The following UBE2E2 variants were observed in gnomAD, a reference collection of about 807,000 sequenced individuals.
The protein encoded by UBE2E2 is ubiquitin conjugating enzyme E2 E2.
In UBE2E2, 6 loss-of-function variants were observed where a neutral mutation model predicts 24.7. The ratio of observed to expected loss-of-function variants is 0.24; its 90% CI spans 0.13 to 0.48. UBE2E2 has a LOEUF of 0.48. Among genes scored for constraint, UBE2E2 ranks in the 20% least tolerant of loss-of-function variants. UBE2E2 has a pLI of 0.99. For synonymous variants in UBE2E2, 104 were observed against 83.6 expected, an observed-to-expected ratio of 1.24 and a Z score of -1.33; for missense variants, 169 against 245.0, an observed-to-expected ratio of 0.69 and a Z score of 2.07.
At position 23,467,745 on chromosome 3, in the gene UBE2E2, G is replaced by C. The variant is rs114210714; in HGVS notation, c.228-31863G>C. On this transcript the variant is annotated intron_variant, in intron 3 of 5. Coordinates refer to ENST00000396703, the MANE Select transcript of UBE2E2 (RefSeq NM_152653.4). ...CACACTGCTATAAAGAACTACCTGA[G>C]ACTGGGTAATTTATAAGAAAAAGTT... Among the ~76,000 whole-genome samples, 361 of 152,276 alleles carry C rather than the reference G, an allele frequency of 2.4e-3. 1 individual carries two copies. The highest frequency in any genetic ancestry group is 8.2e-3 in the African/African-American group (340 of 41,534).
At chr3:23,458,429 T>TGGTGGTGGTGGTGGTGGTGGTG (rs1390149541) in intron 3 of UBE2E2, among the ~76,000 whole-genome samples, 228 of 73,118 alleles carry the variant, frequency 3.1e-3, no homozygotes, top group African/African-American at 0.016. Flanking sequence ...TGGTGGTGGT[T>TGGTGGTGGTGGTGGTGGTGGTG]GTTGTTGTTT....
At chr3:23,404,441 A>G (rs1314237358) in intron 3 of UBE2E2, among the ~76,000 whole-genome samples, 1 of 152,006 alleles carries the variant, frequency 6.6e-6, no homozygotes, top group Non-Finnish European at 1.5e-5. Flanking sequence ...TAGCCCATAA[A>G]CTCTTATCAT....
chr3:23,271,112 G>C (rs1471242186), intron 3 of UBE2E2: 2 of 437,694 alleles, frequency 4.6e-6, no homozygotes, highest in African/African-American at 2.0e-5. Context: ...AATGGACCTT[G>C]AGTTTCAGAA....
intron 2 of UBE2E2, among the ~76,000 whole-genome samples, chr3:23,214,126 A>T (rs1205104211): frequency 6.6e-6 from 1 of 152,176 alleles, no homozygotes; most frequent in Non-Finnish European, 1.5e-5. Context: ...ATATAATATT[A>T]TTGACTCACT....
chr3:23,354,096 A>G (rs1158212246), intron 3 of UBE2E2, among the ~76,000 whole-genome samples: 1 of 152,152 alleles, frequency 6.6e-6, no homozygotes, highest in African/African-American at 2.4e-5. Context: ...ATCTACAACT[A>G]TCTGATCTTT....
intron 3 of UBE2E2, among the ~76,000 whole-genome samples, chr3:23,468,004 A>C (rs895477492): frequency 2.6e-5 from 4 of 152,158 alleles, no homozygotes; most frequent in Admixed American, 1.3e-4. Flanking sequence ...GTCATCTCCC[A>C]CCAGGTCCCT....
intron 3 of UBE2E2, among the ~76,000 whole-genome samples, chr3:23,254,047 GA>G (rs1697650019): frequency 1.3e-5 from 2 of 152,168 alleles, no homozygotes; most frequent in Admixed American, 6.6e-5. Flanking sequence ...ACACTAAAAA[GA>G]AATGTGCTAT....
chr3:23,244,793 T>C (rs945078681), intron 3 of UBE2E2, among the ~76,000 whole-genome samples: 3 of 152,166 alleles, frequency 2.0e-5, no homozygotes, highest in African/African-American at 7.2e-5. Context: ...AAATGTTTTG[T>C]ATACTTTGGT....
intron 3 of UBE2E2, among the ~76,000 whole-genome samples, chr3:23,233,250 G>A (rs983506948): frequency 6.6e-6 from 1 of 152,142 alleles, no homozygotes; most frequent in Non-Finnish European, 1.5e-5. Context: ...GACAGGAATA[G>A]TATCAGTCTT....
chr3:23,441,149 A>G (rs1698294083), intron 3 of UBE2E2, among the ~76,000 whole-genome samples: 1 of 152,158 alleles, frequency 6.6e-6, no homozygotes, highest in Non-Finnish European at 1.5e-5. Flanking sequence ...ATTCTGAAGC[A>G]TCAGATGAAA....
intron 3 of UBE2E2, among the ~76,000 whole-genome samples, chr3:23,354,637 A>G (rs939998445): frequency 6.6e-6 from 1 of 152,240 alleles, no homozygotes; most frequent in African/African-American, 2.4e-5. Flanking sequence ...AATGCTCACC[A>G]TCACTGGCCA....
intron 2 of UBE2E2, among the ~76,000 whole-genome samples, chr3:23,210,944 A>G (rs78845162): frequency 6.6e-6 from 1 of 152,196 alleles, no homozygotes; most frequent in Non-Finnish European, 1.5e-5. Flanking sequence ...TTTTTAATTT[A>G]AAAAACCTTA....
chr3:23,336,533 C>A (rs143700204), intron 3 of UBE2E2, among the ~76,000 whole-genome samples: 1 of 152,176 alleles, frequency 6.6e-6, no homozygotes, highest in African/African-American at 2.4e-5. Flanking sequence ...CTAAAAATTT[C>A]CAATCACCAT....
At chr3:23,493,725 A>G (rs1460937873) in intron 3 of UBE2E2, among the ~76,000 whole-genome samples, 1 of 152,176 alleles carries the variant, frequency 6.6e-6, no homozygotes, top group Non-Finnish European at 1.5e-5. Flanking sequence ...AAGTTCTGCT[A>G]TATCTAAATA....
chr3:23,218,102 G>A (rs1195891141), intron 3 of UBE2E2, among the ~76,000 whole-genome samples: 1 of 152,116 alleles, frequency 6.6e-6, no homozygotes, highest in Non-Finnish European at 1.5e-5. Flanking sequence ...CATTGAAGGT[G>A]AGAGGGCCGA....
intron 3 of UBE2E2, among the ~76,000 whole-genome samples, chr3:23,447,030 T>C (rs1489885565): frequency 6.6e-6 from 1 of 152,154 alleles, no homozygotes; most frequent in Non-Finnish European, 1.5e-5. Context: ...CACATTTCAT[T>C]CTCCCTGCTT....
chr3:23,506,347 C>G (rs1694455878), intron 4 of UBE2E2, among the ~76,000 whole-genome samples: 1 of 152,220 alleles, frequency 6.6e-6, no homozygotes, highest in Non-Finnish European at 1.5e-5. Flanking sequence ...TTACCCCATT[C>G]TACATCAGCC....
intron 3 of UBE2E2, among the ~76,000 whole-genome samples, chr3:23,405,154 G>C (rs1282913143): frequency 6.6e-6 from 1 of 152,142 alleles, no homozygotes; most frequent in Non-Finnish European, 1.5e-5. Context: ...TTACACATGG[G>C]AAGTCATGCG....
At chr3:23,208,022 C>G (rs34513914) in intron 1 of UBE2E2, among the ~76,000 whole-genome samples, 1 of 151,954 alleles carries the variant, frequency 6.6e-6, no homozygotes, top group Non-Finnish European at 1.5e-5. Context: ...AACCACTTAC[C>G]CATTTTATTT....
Sources: allele counts gnomAD v4.1 joint callset (sites outside exome capture counted in the v4.1 genomes callset), GRCh38; gene constraint gnomAD v4.1.1; transcripts MANE v1.5; gene names NCBI Gene and HGNC (gene_info 2026-07-23, HGNC 2026-07-21).